The following ZNF503 variants were observed in gnomAD, a reference collection of about 807,000 sequenced individuals.
The protein encoded by ZNF503 is NocA-like zinc finger 2.
In ZNF503, 15 loss-of-function variants were observed where a neutral mutation model predicts 34.4. The observed-to-expected ratio is 0.44, with a 90% CI of 0.29 to 0.67. The LOEUF is 0.67. Ranked by LOEUF, ZNF503 falls within the 30% of genes least tolerant of loss-of-function variation. The probability of loss-of-function intolerance (pLI) is 0.13; values close to 1 mark genes in which losing one functional copy is unlikely to be tolerated. For missense variants in ZNF503, 1,007 were observed against 926.8 expected (o/e 1.09, Z -1.12); for synonymous variants, 580 against 456.8 (o/e 1.27, Z -3.44).
chr10:75,346,807 A>ATT, the ZNF503 span, among the ~76,000 whole-genome samples: 6 of 141,100 alleles, frequency 4.3e-5, no homozygotes, highest in African/African-American at 1.3e-4. Context: ...ATTAAAAAGA[A>ATT]TTTTTTTTTT....
At chr10:75,334,598 G>A in the ZNF503 span, among the ~76,000 whole-genome samples, 1 of 152,186 alleles carries the variant, frequency 6.6e-6, no homozygotes, top group Non-Finnish European at 1.5e-5. Context: ...GATCGGGCTG[G>A]TTTAAATCTG....
chr10:75,332,468 CT>C, the ZNF503 span, among the ~76,000 whole-genome samples: 51,672 of 140,714 alleles, frequency 0.37, 9,297 homozygotes, highest in Middle Eastern at 0.41. Flanking sequence ...TTAAATTTTT[CT>C]TTTTTTTTTT....
chr10:75,281,599 A>C, the ZNF503 span, among the ~76,000 whole-genome samples: 1 of 152,312 alleles, frequency 6.6e-6, no homozygotes, highest in East Asian at 1.9e-4. Context: ...CCCCCTTCCC[A>C]ATGATTTTAC....
chr10:75,366,276 A>C, the ZNF503 span, among the ~76,000 whole-genome samples: 3 of 152,220 alleles, frequency 2.0e-5, no homozygotes, highest in African/African-American at 7.2e-5. Context: ...CCACATCTGG[A>C]TGCCAGGGAA....
the ZNF503 span, chr10:75,360,908 G>A: frequency 1.3e-5 from 2 of 152,208 alleles, no homozygotes; most frequent in African/African-American, 4.8e-5. Flanking sequence ...TATTCTTCCT[G>A]GCCTCAGACT....
the ZNF503 span, among the ~76,000 whole-genome samples, chr10:75,371,222 C>A: frequency 6.6e-6 from 1 of 152,080 alleles, no homozygotes; most frequent in African/African-American, 2.4e-5. Context: ...AGTCAGCACC[C>A]CTGGTCCACA....
chr10:75,330,023 G>A, the ZNF503 span, among the ~76,000 whole-genome samples: 860 of 152,292 alleles, frequency 5.6e-3, 8 homozygotes, highest in African/African-American at 0.019. Context: ...GTTAAGGTAT[G>A]TTCCTTCTAT....
chr10:75,385,419 C>T, the ZNF503 span, among the ~76,000 whole-genome samples: 4 of 152,228 alleles, frequency 2.6e-5, no homozygotes, highest in African/African-American at 9.6e-5. Flanking sequence ...GTGGGGAGGG[C>T]TCATCTTGCT....
chr10:75,329,641 A>AT, the ZNF503 span, among the ~76,000 whole-genome samples: 3,705 of 150,948 alleles, frequency 0.025, 128 homozygotes, highest in African/African-American at 0.081. Flanking sequence ...AATTTAAACC[A>AT]TTTTTTTTGT....
At chr10:75,369,953 G>A in the ZNF503 span, among the ~76,000 whole-genome samples, 1 of 152,030 alleles carries the variant, frequency 6.6e-6, no homozygotes, top group Admixed American at 6.6e-5. Flanking sequence ...TGTAGTTCCA[G>A]CTACTCGGGA....
chr10:75,398,933 G>A lies in ZNF503; in HGVS notation c.1757C>T (p.Thr586Met), dbSNP rs763529957. The change falls in exon 2 of 2, where the codon ACG becomes ATG. Residue 586 changes from threonine (T) to methionine (M), a missense_variant. By Grantham distance (81) the Thr-to-Met change is moderately conservative (BLOSUM62 -1). Coordinates refer to ENST00000372524, the MANE Select transcript of ZNF503 (RefSeq NM_032772.6). ...PTSGAPGSPG[T>M]LALRSPHHAL... ...GTGGTGGGGGCTGCGCAGCGCCAGC[G>A]TCCCAGGGCTGCCCGGTGCGCCCGA... is the stretch of plus-strand genomic sequence containing the variant. 1.3e-6 allele frequency: 2 copies of A among 1,591,444 alleles called. No individual in the cohort carries two copies. The highest frequency in any genetic ancestry group is 4.5e-5 in the East Asian group (2 of 44,298).
the ZNF503 span, among the ~76,000 whole-genome samples, chr10:75,289,046 C>G: frequency 5.3e-4 from 80 of 152,146 alleles, no homozygotes; most frequent in African/African-American, 1.9e-3. Flanking sequence ...TGCCTCAGGG[C>G]TATGGAAAGA....
At chr10:75,323,992 A>C in the ZNF503 span, among the ~76,000 whole-genome samples, 1 of 111,142 alleles carries the variant, frequency 9.0e-6, no homozygotes, top group East Asian at 2.4e-4. Flanking sequence ...ACTCCGTCTC[A>C]AAAAAAAAAA....
At chr10:75,379,877 G>A in the ZNF503 span, among the ~76,000 whole-genome samples, 9 of 152,284 alleles carry the variant, frequency 5.9e-5, no homozygotes, top group Non-Finnish European at 1.0e-4. Context: ...CAGGAGAGAG[G>A]CCATCCAAAT....
the ZNF503 span, among the ~76,000 whole-genome samples, chr10:75,372,930 T>G: frequency 1.3e-5 from 2 of 152,178 alleles, no homozygotes; most frequent in Non-Finnish European, 2.9e-5. Flanking sequence ...GACCTTTTCT[T>G]GTACATCCCT....
chr10:75,353,231 CT>C, the ZNF503 span, among the ~76,000 whole-genome samples: 2 of 152,296 alleles, frequency 1.3e-5, no homozygotes, highest in East Asian at 3.9e-4. Context: ...ACAGGGCTAG[CT>C]TTTTTCCAGC....
the ZNF503 span, among the ~76,000 whole-genome samples, chr10:75,329,756 C>G: frequency 6.6e-6 from 1 of 152,166 alleles, no homozygotes; most frequent in Non-Finnish European, 1.5e-5. Context: ...GGATTACAGG[C>G]ATGAGCCACC....
the ZNF503 span, among the ~76,000 whole-genome samples, chr10:75,362,648 AC>A: frequency 6.6e-6 from 1 of 152,194 alleles, no homozygotes; most frequent in African/African-American, 2.4e-5. Context: ...CATTTATTAC[AC>A]CCTTGGGCTA....
At chr10:75,298,927 GTT>G in the ZNF503 span, 1 of 146,338 alleles carries the variant, frequency 6.8e-6, no homozygotes, top group South Asian at 2.2e-4. Context: ...CTTGGTGTAT[GTT>G]TAACTTTTTT....
Sources: allele counts gnomAD v4.1 joint callset (sites outside exome capture counted in the v4.1 genomes callset), GRCh38; gene constraint gnomAD v4.1.1; transcripts MANE v1.5; gene names NCBI Gene and HGNC (gene_info 2026-07-23, HGNC 2026-07-21).